Variants in DLGAP1 observed in about 807,000 individuals in gnomAD.
DLGAP1 encodes the protein DLG associated protein 1, also known as disks large-associated protein 1.
In DLGAP1, 11 loss-of-function variants were observed where a neutral mutation model predicts 90.8. The observed-to-expected ratio is 0.12, with a 90% CI of 0.08 to 0.20. The LOEUF is 0.20. Among genes scored for constraint, DLGAP1 ranks in the 10% least tolerant of loss-of-function variants. The pLI is 1.00. For synonymous variants in DLGAP1, 558 were observed against 540.7 expected, an observed-to-expected ratio of 1.03 and a Z score of -0.44; for missense variants, 1,050 against 1,333.8, an observed-to-expected ratio of 0.79 and a Z score of 3.31.
chr18:3,646,750 T>A (rs1017673829), intron 7 of DLGAP1, among the ~76,000 whole-genome samples: 12 of 151,452 alleles, frequency 7.9e-5, no homozygotes, highest in Middle Eastern at 3.4e-3. Flanking sequence ...CGGTGAAACC[T>A]CGTCTCTACT....
chr18:4,450,439 G>A (rs888322357), intron 1 of DLGAP1, among the ~76,000 whole-genome samples: 3 of 152,166 alleles, frequency 2.0e-5, no homozygotes, highest in Non-Finnish European at 2.9e-5. Flanking sequence ...CGTGTCACCA[G>A]AGTAAAGCAG....
rs549750250 is a variant in DLGAP1, at chr18:3,523,613, C to T, written c.2479+10581G>A. On this transcript the variant is annotated intron_variant, in intron 10 of 12. Transcript: ENST00000315677. The stretch of plus-strand genomic sequence containing the variant: ...CTGTAATCCCAGCACTTTGGGAGGC[C>T]AAGGAGGGCGGATCACGAGGTCAGG... Among the ~76,000 whole-genome samples the T allele has an allele frequency of 4.2e-3, 633 of 151,914 alleles. 2 individuals are homozygous for T. Among genetic ancestry groups the T allele is most frequent in the Non-Finnish European group, 7.2e-3 (487 of 67,952 alleles).
chr18:3,884,335 A>T (rs928002824), intron 3 of DLGAP1, among the ~76,000 whole-genome samples: 3 of 152,232 alleles, frequency 2.0e-5, no homozygotes, highest in African/African-American at 7.2e-5. Context: ...TTATAGACAC[A>T]TACTAACTTT....
intron 1 of DLGAP1, among the ~76,000 whole-genome samples, chr18:4,320,914 A>G (rs2080670928): frequency 6.6e-6 from 1 of 152,264 alleles, no homozygotes; most frequent in Non-Finnish European, 1.5e-5. Context: ...CTGGGCACTG[A>G]TATTAAAATA....
intron 5 of DLGAP1, among the ~76,000 whole-genome samples, chr18:3,763,406 T>C (rs917366549): frequency 1.3e-5 from 2 of 152,176 alleles, no homozygotes; most frequent in Non-Finnish European, 2.9e-5. Flanking sequence ...AGCTTGCAGA[T>C]AGTTTATTGT....
intron 7 of DLGAP1, among the ~76,000 whole-genome samples, chr18:3,583,917 C>T (rs755333538): frequency 3.3e-5 from 5 of 152,084 alleles, no homozygotes; most frequent in Non-Finnish European, 7.4e-5. Flanking sequence ...CACTGCACTC[C>T]AGCCTAGGCC....
chr18:3,927,755 GA>G (rs1452010364), intron 3 of DLGAP1, among the ~76,000 whole-genome samples: 1 of 152,148 alleles, frequency 6.6e-6, no homozygotes, highest in Non-Finnish European at 1.5e-5. Flanking sequence ...ACCAACATGT[GA>G]ATTTATTATT....
At chr18:4,394,409 C>G (rs7244145) in intron 1 of DLGAP1, among the ~76,000 whole-genome samples, 21,338 of 152,090 alleles carry the variant, frequency 0.14, 2,868 homozygotes, top group African/African-American at 0.35. Flanking sequence ...TATTTCACTG[C>G]CATTTTGAAA....
intron 3 of DLGAP1, among the ~76,000 whole-genome samples, chr18:3,902,949 G>A (rs1013602013): frequency 6.6e-6 from 1 of 152,106 alleles, no homozygotes; most frequent in Admixed American, 6.5e-5. Context: ...CGCTGAGAGT[G>A]ATCAGCTCTC....
rs1041639894 is a variant in DLGAP1, at chr18:3,985,039, C to G, written c.-73+20077G>C. The stretch of plus-strand genomic sequence containing the variant: ...ATTGTCCCTTCTTGGAAATCACTTG[C>G]ATTTATCTAATCCTAACCCATTCTT... On this transcript the variant is annotated intron_variant, in intron 3 of 12. Transcript: ENST00000315677. Among the ~76,000 whole-genome samples the G allele has an allele frequency of 5.9e-5, 9 of 152,254 alleles. No individual in the cohort carries two copies. In the South Asian group the frequency reaches 8.3e-4, roughly 14 times the overall value.
intron 2 of DLGAP1, among the ~76,000 whole-genome samples, chr18:4,105,856 C>T (rs2075852170): frequency 6.6e-6 from 1 of 151,476 alleles, no homozygotes. Context: ...CGGTGAAACC[C>T]CGTCTCTACT....
intron 4 of DLGAP1, among the ~76,000 whole-genome samples, chr18:3,825,583 T>C (rs1022799858): frequency 2.0e-5 from 3 of 152,206 alleles, no homozygotes; most frequent in South Asian, 2.1e-4. Flanking sequence ...GGATTTTTTT[T>C]CCAAATATTT....
chr18:3,661,178 A>T (rs1309961774), intron 7 of DLGAP1, among the ~76,000 whole-genome samples: 1 of 152,184 alleles, frequency 6.6e-6, no homozygotes, highest in Admixed American at 6.5e-5. Flanking sequence ...GATTATCGGC[A>T]TGTACCAGAG....
chr18:4,370,978 C>CAAG (rs33927944), intron 1 of DLGAP1, among the ~76,000 whole-genome samples: 7 of 151,644 alleles, frequency 4.6e-5, no homozygotes, highest in East Asian at 1.9e-4. Context: ...AACAACATAA[C>CAAG]AAGAAGATAG....
chr18:3,975,128 T>A (rs1472796902), intron 3 of DLGAP1, among the ~76,000 whole-genome samples: 1 of 152,130 alleles, frequency 6.6e-6, no homozygotes, highest in African/African-American at 2.4e-5. Context: ...TGAAGGTACT[T>A]AACACTATTG....
At chr18:3,641,952 G>C (rs141186606) in intron 7 of DLGAP1, among the ~76,000 whole-genome samples, 3 of 152,132 alleles carry the variant, frequency 2.0e-5, no homozygotes, top group Non-Finnish European at 4.4e-5. Flanking sequence ...ATCTCTAACC[G>C]GTCTCTGTGG....
chr18:4,122,769 G>A (rs2076173599), intron 2 of DLGAP1, among the ~76,000 whole-genome samples: 1 of 152,164 alleles, frequency 6.6e-6, no homozygotes. Flanking sequence ...AGCTGGAGAG[G>A]CGAGACTTTG....
At chr18:3,988,255 A>G (rs981304024) in intron 3 of DLGAP1, among the ~76,000 whole-genome samples, 1 of 152,098 alleles carries the variant, frequency 6.6e-6, no homozygotes, top group African/African-American at 2.4e-5. Flanking sequence ...GTTCTCTCAA[A>G]CATACATTTC....
intron 3 of DLGAP1, among the ~76,000 whole-genome samples, chr18:3,941,185 T>C (rs1212965913): frequency 6.6e-6 from 1 of 152,146 alleles, no homozygotes; most frequent in Admixed American, 6.5e-5. Context: ...AGAATGCAAA[T>C]AGAACCGGTA....
Sources: gnomAD v4.1 joint callset for allele counts (sites outside exome capture counted in the v4.1 genomes callset) on GRCh38, gnomAD v4.1.1 for gene constraint, MANE v1.5 for transcripts, NCBI Gene and HGNC (gene_info 2026-07-23, HGNC 2026-07-21) for gene names.